SLC38A8: variants seen among roughly 807,000 people sequenced by gnomAD.
SLC38A8 encodes the protein amino acid transporter SLC38A8.
A neutral mutation model predicts 46.0 loss-of-function variants in SLC38A8; 65 were observed. That is an observed-to-expected ratio of 1.41 (90% CI 1.16 to 1.74). The LOEUF (loss-of-function observed/expected upper bound fraction) is 1.74. Ranked by LOEUF, SLC38A8 falls within the 40% of genes most tolerant of loss-of-function variation. SLC38A8 has a pLI of 0.00. For missense variants in SLC38A8, 998 were observed against 567.9 expected (o/e 1.76, Z -7.70); for synonymous variants, 447 against 243.7 (o/e 1.83, Z -7.77).
At chr16:84,030,229 G>C (rs891501029) in intron 5 of SLC38A8, among the ~76,000 whole-genome samples, 1 of 152,114 alleles carries the variant, frequency 6.6e-6, no homozygotes, top group African/African-American at 2.4e-5. Context: ...AGCAGGAAGA[G>C]ACAGGAAAGA....
chr16:84,013,435 T>TGTTTGTTTTTTTTGTTG (rs1555551880), intron 9 of SLC38A8, among the ~76,000 whole-genome samples: 1 of 130,696 alleles, frequency 7.7e-6, no homozygotes, highest in Non-Finnish European at 1.6e-5. Context: ...TTTTTTTTTT[T>TGTTTGTTTTTTTTGTTG]TTTTTTTTTT....
rs770183792 is a variant in SLC38A8, at chr16:84,009,880, G to A, written c.1215-3C>T. 6 of 1,612,334 alleles carry A rather than the reference G, an allele frequency of 3.7e-6. No individual in the cohort carries two copies. In the South Asian group the frequency reaches 6.6e-5, roughly 18 times the overall value. Reference sequence around the variant, plus strand: ...CTCCCCAGACCTCCAGGCAGCACCTGCCAAGTGAATAAACCCATGTCAGAG... The same window carrying A: ...CTCCCCAGACCTCCAGGCAGCACCTACCAAGTGAATAAACCCATGTCAGAG... On this transcript the variant is annotated splice_region_variant and splice_polypyrimidine_tract_variant and intron_variant, in intron 10 of 10. Coordinates refer to ENST00000299709, the MANE Select transcript of SLC38A8 (RefSeq NM_001080442.3).
At chr16:84,016,421 C>G in intron 9 of SLC38A8, 98 bp downstream of exon 9, 4 of 1,402,952 alleles carry the variant, frequency 2.9e-6, no homozygotes, top group Non-Finnish European at 3.9e-6. Context: ...ATATGTGGCT[C>G]CCACCTTCCA....
At chr16:84,039,605 G>C (rs555722495) in intron 2 of SLC38A8, among the ~76,000 whole-genome samples, 2 of 152,126 alleles carry the variant, frequency 1.3e-5, no homozygotes, top group African/African-American at 4.8e-5. Context: ...AACTAGCAGG[G>C]TGTGGCAGCA....
At chr16:84,013,372 G>A (rs529159719) in intron 9 of SLC38A8, among the ~76,000 whole-genome samples, 10 of 151,706 alleles carry the variant, frequency 6.6e-5, no homozygotes, top group East Asian at 1.9e-4. Context: ...CCTGACACCC[G>A]GGAAGTGCTC....
At chr16:84,037,429 G>T (rs976691681) in intron 2 of SLC38A8, among the ~76,000 whole-genome samples, 1 of 152,220 alleles carries the variant, frequency 6.6e-6, no homozygotes, top group African/African-American at 2.4e-5. Flanking sequence ...ACTGAACAAG[G>T]TCTGTGACAT....
intron 10 of SLC38A8, among the ~76,000 whole-genome samples, chr16:84,010,470 G>T (rs948413634): frequency 2.0e-5 from 3 of 152,098 alleles, no homozygotes; most frequent in African/African-American, 7.2e-5. Context: ...GCCAGGCATG[G>T]TGGCACAAGC....
At chr16:84,010,523 C>T (rs1597244458) in intron 10 of SLC38A8, among the ~76,000 whole-genome samples, 2 of 151,818 alleles carry the variant, frequency 1.3e-5, no homozygotes, top group African/African-American at 2.4e-5. Flanking sequence ...GGCGGATTCA[C>T]CTGAGGTCAT....
At chr16:84,013,576 G>T (rs923253908) in intron 9 of SLC38A8, among the ~76,000 whole-genome samples, 60 of 151,544 alleles carry the variant, frequency 4.0e-4, no homozygotes, top group Admixed American at 1.3e-4. Context: ...GACTACAGGT[G>T]CGTGCCACCA....
chr16:84,010,221 C>T (rs1248664131), intron 10 of SLC38A8, among the ~76,000 whole-genome samples: 1 of 151,954 alleles, frequency 6.6e-6, no homozygotes, highest in Non-Finnish European at 1.5e-5. Flanking sequence ...CAGACACACA[C>T]GATGACACGA....
At chr16:84,021,934 G>A (rs902773892) in intron 7 of SLC38A8, among the ~76,000 whole-genome samples, 19 of 152,144 alleles carry the variant, frequency 1.2e-4, no homozygotes, top group Non-Finnish European at 2.6e-4. Flanking sequence ...TGTGAGCCCA[G>A]GTCTCTCTTC....
chr16:84,042,225 T>A (rs1306253881), intron 1 of SLC38A8, 66 bp from the exon 2 acceptor site: 2 of 1,500,700 alleles, frequency 1.3e-6, no homozygotes, highest in African/African-American at 1.4e-5. Context: ...GTTCTCGATA[T>A]CCTTATTTGT....
At chr16:84,025,417 G>A (rs977903094) in intron 6 of SLC38A8, among the ~76,000 whole-genome samples, 1 of 152,182 alleles carries the variant, frequency 6.6e-6, no homozygotes, top group African/African-American at 2.4e-5. Context: ...CTCCTGGGGA[G>A]CCCTCCCGAG....
At position 84,033,432 on chromosome 16, in the gene SLC38A8, C is replaced by A. The variant is rs201965163; in HGVS notation, c.426G>T (p.Pro142=). The stretch of plus-strand genomic sequence containing the variant: ...AGCGCTGGTCTGCGTACCACGGCTG[C>A]GGGGCGGGCGGGGTGCCAGACAGGA... ...DSLLSGTPPA[P]QPWYADQRFT... Residue 142 remains proline (P), a synonymous_variant, in exon 4 of 11, where the codon CCG becomes CCT. Transcript: ENST00000299709. 16 of 1,610,512 alleles carry A rather than the reference C, an allele frequency of 9.9e-6. No homozygotes were observed. In the South Asian group the frequency reaches 1.8e-4, roughly 18 times the overall value.
intron 2 of SLC38A8, chr16:84,041,041 G>C (rs2085361484): frequency 6.6e-6 from 1 of 152,290 alleles, no homozygotes; most frequent in South Asian, 2.1e-4. Flanking sequence ...TAAGACGTGT[G>C]AGAAAAAGCC....
chr16:84,013,439 T>G (rs1184764856), intron 9 of SLC38A8, among the ~76,000 whole-genome samples: 7 of 140,810 alleles, frequency 5.0e-5, no homozygotes, highest in East Asian at 2.1e-4. Context: ...TTTTTTTTTT[T>G]TTTTTTTTTT....
At chr16:84,012,234 C>T (rs1252926954) in intron 10 of SLC38A8, among the ~76,000 whole-genome samples, 3 of 152,328 alleles carry the variant, frequency 2.0e-5, no homozygotes, top group Middle Eastern at 3.4e-3. Context: ...CACCCAGAAC[C>T]CCAGACTACC....
chr16:84,028,381 G>T (rs940131918), intron 6 of SLC38A8, among the ~76,000 whole-genome samples: 3 of 151,896 alleles, frequency 2.0e-5, no homozygotes, highest in Non-Finnish European at 2.9e-5. Flanking sequence ...AGGAGTTCAA[G>T]ACCAGCCTGG....
intron 9 of SLC38A8, among the ~76,000 whole-genome samples, chr16:84,014,360 G>T (rs917265081): frequency 6.6e-6 from 1 of 151,450 alleles, no homozygotes; most frequent in African/African-American, 2.4e-5. Context: ...AGAACTGAGG[G>T]AGGAGTCGTG....
Sources: gnomAD v4.1 joint callset for allele counts (sites outside exome capture counted in the v4.1 genomes callset) on GRCh38, gnomAD v4.1.1 for gene constraint, MANE v1.5 for transcripts, NCBI Gene and HGNC (gene_info 2026-07-23, HGNC 2026-07-21) for gene names.